NFIB: variants seen among roughly 807,000 people sequenced by gnomAD.
NFIB encodes nuclear factor I B.
In NFIB, 11 loss-of-function variants were observed where a neutral mutation model predicts 61.5. The observed-to-expected ratio is 0.18, with a 90% CI of 0.11 to 0.30. The LOEUF is 0.30. Ranked by LOEUF, NFIB falls within the 10% of genes least tolerant of loss-of-function variation. The pLI, the probability that NFIB is intolerant of heterozygous loss-of-function variation, is 1.00. For missense variants in NFIB, 471 were observed against 608.9 expected (o/e 0.77, Z 2.38); for synonymous variants, 260 against 216.5 (o/e 1.20, Z -1.76).
At chr9:14,100,759 C>T (rs191546459) in intron 10 of NFIB, among the ~76,000 whole-genome samples, 14 of 152,320 alleles carry the variant, frequency 9.2e-5, no homozygotes, top group African/African-American at 2.9e-4. Flanking sequence ...CATTTTAAAT[C>T]TCTAACAACT....
chr9:14,486,520 A>T, the NFIB span, among the ~76,000 whole-genome samples: 2 of 152,328 alleles, frequency 1.3e-5, no homozygotes, highest in East Asian at 3.9e-4. Flanking sequence ...GAAGTACCTG[A>T]CAAACTTGGT....
At chr9:14,322,208 G>C in intron 1 of NFIB, 2 of 919,762 alleles carry the variant, frequency 2.2e-6, no homozygotes, top group Non-Finnish European at 2.8e-6. Context: ...AAAGCAGGCA[G>C]CCCTTCAGTC....
At chr9:14,103,459 G>C (rs2036070802) in intron 10 of NFIB, among the ~76,000 whole-genome samples, 1 of 151,976 alleles carries the variant, frequency 6.6e-6, no homozygotes, top group Non-Finnish European at 1.5e-5. Context: ...ACTAAACCTT[G>C]TTTGCTGCTT....
At chr9:14,293,360 C>T (rs1036722496) in intron 2 of NFIB, among the ~76,000 whole-genome samples, 1 of 152,178 alleles carries the variant, frequency 6.6e-6, no homozygotes, top group African/African-American at 2.4e-5. Context: ...TATATGCACG[C>T]AATCTGTCCT....
chr9:14,477,116 A>G, the NFIB span, among the ~76,000 whole-genome samples: 3 of 152,336 alleles, frequency 2.0e-5, no homozygotes, highest in East Asian at 1.9e-4. Flanking sequence ...AAATAATAGC[A>G]TCTAGCTGCA....
the NFIB span, among the ~76,000 whole-genome samples, chr9:14,523,256 C>G: frequency 6.6e-6 from 1 of 152,092 alleles, no homozygotes; most frequent in Non-Finnish European, 1.5e-5. Context: ...AGCTTTCATG[C>G]AGACACCAAC....
intron 1 of NFIB, among the ~76,000 whole-genome samples, chr9:14,337,025 T>G (rs1421648837): frequency 2.0e-5 from 3 of 152,212 alleles, no homozygotes; most frequent in Non-Finnish European, 4.4e-5. Context: ...TGTCATGGGA[T>G]ATTATTCTTC....
At chr9:14,159,019 T>C (rs981791174) in intron 3 of NFIB, among the ~76,000 whole-genome samples, 20 of 152,198 alleles carry the variant, frequency 1.3e-4, no homozygotes, top group African/African-American at 4.6e-4. Context: ...CATTTCCTTA[T>C]TACTCCAATG....
chr9:14,243,947 T>C (rs1288426334), intron 2 of NFIB, among the ~76,000 whole-genome samples: 2 of 152,196 alleles, frequency 1.3e-5, no homozygotes, highest in African/African-American at 4.8e-5. Flanking sequence ...TCTGGTTTCA[T>C]GGAAATTACC....
intron 2 of NFIB, among the ~76,000 whole-genome samples, chr9:14,232,743 G>C (rs960179553): frequency 9.2e-5 from 14 of 152,290 alleles, no homozygotes; most frequent in African/African-American, 3.4e-4. Flanking sequence ...TGACTCTTAA[G>C]TGATTTACAG....
At chr9:14,259,943 G>A (rs1211015310) in intron 2 of NFIB, among the ~76,000 whole-genome samples, 2 of 152,096 alleles carry the variant, frequency 1.3e-5, no homozygotes, top group East Asian at 3.9e-4. Context: ...AACTATTGGT[G>A]AAAAACAGAT....
the NFIB span, among the ~76,000 whole-genome samples, chr9:14,463,712 G>C: frequency 1.5e-5 from 2 of 137,176 alleles, no homozygotes; most frequent in African/African-American, 2.7e-5. Context: ...CCAGGCTGGA[G>C]TGCAGTGGCG....
the NFIB span, among the ~76,000 whole-genome samples, chr9:14,516,968 A>G: frequency 6.6e-6 from 1 of 152,246 alleles, no homozygotes; most frequent in Non-Finnish European, 1.5e-5. Flanking sequence ...TAGAAATCTG[A>G]GCAAATAATC....
the NFIB span, among the ~76,000 whole-genome samples, chr9:14,467,067 G>C: frequency 2.6e-5 from 4 of 152,172 alleles, no homozygotes; most frequent in Non-Finnish European, 5.9e-5. Flanking sequence ...GCAAAAGTCA[G>C]GCTTCGCTCT....
chr9:14,345,081 C>T (rs920236586), intron 1 of NFIB, among the ~76,000 whole-genome samples: 3 of 152,132 alleles, frequency 2.0e-5, no homozygotes, highest in African/African-American at 7.2e-5. Context: ...CTCCTGAGCT[C>T]GGCCTCCCTG....
At chr9:14,375,990 T>C (rs577701436) in intron 1 of NFIB, among the ~76,000 whole-genome samples, 2 of 152,348 alleles carry the variant, frequency 1.3e-5, no homozygotes, top group African/African-American at 2.4e-5. Context: ...TCAGAGTACA[T>C]GGCCAAAATA....
chr9:14,330,515 T>C (rs2060808341), intron 1 of NFIB, among the ~76,000 whole-genome samples: 1 of 152,212 alleles, frequency 6.6e-6, no homozygotes, highest in Non-Finnish European at 1.5e-5. Context: ...TCTATGAAAA[T>C]AACAAATGTA....
the NFIB span, among the ~76,000 whole-genome samples, chr9:14,455,822 AG>A: frequency 6.6e-6 from 1 of 152,190 alleles, no homozygotes; most frequent in Non-Finnish European, 1.5e-5. Flanking sequence ...TTTTTTAAAA[AG>A]AGGAACATTC....
chr9:14,314,121 A>T lies in NFIB; in HGVS notation c.-610T>A. On this transcript the variant is annotated 5_prime_UTR_variant, in exon 1 of 11. Transcript: ENST00000380953. ...CGCGAGCCGACCATGTGTGTGCGCG[A>T]GGGGCAGCGTGAGCGAGTGCGCGCG... is the stretch of plus-strand genomic sequence containing the variant. 1 of 970,138 alleles carries T rather than the reference A, an allele frequency of 1.0e-6. No homozygotes were observed. The highest frequency in any genetic ancestry group is 1.2e-6 in the Non-Finnish European group (1 of 827,350). 60.1% of individuals were successfully genotyped at this position (970,138 alleles called of 1,614,324 possible).
Sources: allele counts gnomAD v4.1 joint callset (sites outside exome capture counted in the v4.1 genomes callset), GRCh38; gene constraint gnomAD v4.1.1; transcripts MANE v1.5; gene names NCBI Gene and HGNC (gene_info 2026-07-23, HGNC 2026-07-21).